The following FBN2 variants were observed in gnomAD, a reference collection of about 807,000 sequenced individuals.
FBN2 encodes the protein fibrillin-2.
Under a neutral mutation model 355.6 loss-of-function variants are expected in FBN2, and 105 were observed. The observed-to-expected ratio is 0.30, with a 90% CI of 0.25 to 0.35. The LOEUF (loss-of-function observed/expected upper bound fraction) is 0.35, where lower values mean the gene tolerates loss of function less well. FBN2 is among the 10% of genes least tolerant of loss of function. FBN2 has a pLI of 1.00. For missense variants in FBN2, 3,280 were observed against 3,758.7 expected, an observed-to-expected ratio of 0.87 and a Z score of 3.33; for synonymous variants, 1,350 against 1,301.2, an observed-to-expected ratio of 1.04 and a Z score of -0.81.
chr5:128,453,181 A>AT, intron 6 of FBN2, among the ~76,000 whole-genome samples: 1 of 152,338 alleles, frequency 6.6e-6, no homozygotes. Flanking sequence ...TGGTAACTTG[A>AT]TATCTGCAGG....
intron 59 of FBN2, 126 bp downstream of exon 59, chr5:128,275,912 A>G: frequency 9.5e-7 from 1 of 1,047,368 alleles, no homozygotes; most frequent in South Asian, 1.3e-5. Context: ...GAGCAATAAC[A>G]TGGCCACTAG....
chr5:128,398,195 A>T (rs1752700603), intron 8 of FBN2, among the ~76,000 whole-genome samples: 1 of 152,064 alleles, frequency 6.6e-6, no homozygotes, highest in Non-Finnish European at 1.5e-5. Flanking sequence ...CAATTAGAGG[A>T]CCTAATATTA....
intron 11 of FBN2, among the ~76,000 whole-genome samples, chr5:128,390,022 C>G (rs1192414045): frequency 6.6e-6 from 1 of 151,838 alleles, no homozygotes; most frequent in Non-Finnish European, 1.5e-5. Flanking sequence ...TTTTTTTTAA[C>G]TCCATGCGGA....
intron 3 of FBN2, among the ~76,000 whole-genome samples, chr5:128,528,679 G>A (rs1756630820): frequency 6.6e-6 from 1 of 152,212 alleles, no homozygotes; most frequent in South Asian, 2.1e-4. Flanking sequence ...AACCCAGGCA[G>A]AGACCAGCCA....
rs1034480947 is a variant in FBN2 at position 128,275,810 on chromosome 5, T to G, written c.7594+228A>C. ...TTTGTTTTATTTTATTTTTTAAAAT[T>G]TATGCAGTTTTCTATAAGAAGCAAA... is the stretch of plus-strand genomic sequence containing the variant. On this transcript the variant is annotated intron_variant, in intron 59 of 64. Transcript: ENST00000262464. Among the ~76,000 whole-genome samples the G allele has an allele frequency of 2.6e-5, 4 of 152,190 alleles. No homozygotes were observed. In the South Asian group the frequency reaches 6.2e-4, roughly 24 times the overall value.
chr5:128,301,448 T>C lies in FBN2; in HGVS notation c.5980A>G (p.Ile1994Val). Residue 1994 changes from isoleucine to valine, a missense_variant, in exon 47 of 65, where the codon ATT becomes GTT. Ile to Val is a conservative substitution (Grantham distance 29). This residue lies in a region of FBN2 where 2,284 missense variants were observed against 2,749.5 expected (regional missense o/e 0.83). Coordinates refer to ENST00000262464, the MANE Select transcript of FBN2 (RefSeq NM_001999.4). The part of the protein sequence containing the change: ...VCRNGRCFNE[I>V]GSFKCLCNEG... Reference sequence around the variant, plus strand: ...TTACATAGACACTTGAAAGAACCAATTTCATTAAAACAACGTCCATTTCTG... The same window carrying C: ...TTACATAGACACTTGAAAGAACCAACTTCATTAAAACAACGTCCATTTCTG... 6.2e-7 allele frequency: 1 copy of C among 1,613,612 alleles called. No homozygotes were observed. Among genetic ancestry groups the C allele is most frequent in the South Asian group, 1.1e-5 (1 of 91,072 alleles).
Position 128,420,778 on chromosome 5 carries a change from C to G in FBN2, c.953-11979G>C, listed in dbSNP as rs528717305. 3.9e-5 allele frequency among the ~76,000 whole-genome samples: 6 copies of G among 152,286 alleles called. No individual in the cohort carries two copies. The South Asian group carries it at 1.2e-3, about 32-fold the overall frequency. Reference sequence around the variant, plus strand: ...TAAACAGATACTGATTGGGCATATACTATTCATTCATGAACTCATTAAGTA... The same window carrying G: ...TAAACAGATACTGATTGGGCATATAGTATTCATTCATGAACTCATTAAGTA... On this transcript the variant is annotated intron_variant, in intron 7 of 64. Coordinates refer to ENST00000262464, the MANE Select transcript of FBN2 (RefSeq NM_001999.4).
chr5:128,468,213 T>C (rs1252075718), intron 5 of FBN2, among the ~76,000 whole-genome samples: 2 of 152,174 alleles, frequency 1.3e-5, no homozygotes, highest in Non-Finnish European at 2.9e-5. Context: ...TTTTTTGTCT[T>C]GCTTCTTTCA....
rs542107401 is a variant in FBN2 at position 128,316,401 on chromosome 5, G to A, written c.4717+1748C>T. 1.4e-4 allele frequency among the ~76,000 whole-genome samples: 22 copies of A among 152,290 alleles called. No homozygotes were observed. The East Asian group carries it at 4.2e-3, about 29-fold the overall frequency. ...ATATTTTATAATGTTTCAGACCTAC[G>A]AAAGGTTCCAATAGATTCCTATGGC... On this transcript the variant is annotated intron_variant, in intron 36 of 64. Coordinates refer to ENST00000262464, the MANE Select transcript of FBN2 (RefSeq NM_001999.4).
intron 45 of FBN2, 121 bp from the exon 46 acceptor site, chr5:128,303,210 CA>C: frequency 1.4e-6 from 1 of 691,080 alleles, no homozygotes; most frequent in Non-Finnish European, 2.6e-6. Context: ...ACTAGAAACT[CA>C]TATCTACTTG....
rs1176793756 is a variant in FBN2 at position 128,269,429 on chromosome 5, G to A, written c.7960+2570C>T. ...AGCTGAGATCGTGCCACTGCACTCC[G>A]GCCTGGGCGACAGAGTGAGACTCCA... On this transcript the variant is annotated intron_variant, in intron 62 of 64. Coordinates refer to ENST00000262464, the MANE Select transcript of FBN2 (RefSeq NM_001999.4). Among the ~76,000 whole-genome samples, 17 of 150,822 alleles carry A rather than the reference G, an allele frequency of 1.1e-4. No individual in the cohort carries two copies. The South Asian group carries it at 2.5e-3, about 22-fold the overall frequency.
At chr5:128,490,180 A>T (rs1232275647) in intron 5 of FBN2, among the ~76,000 whole-genome samples, 1 of 152,208 alleles carries the variant, frequency 6.6e-6, no homozygotes, top group African/African-American at 2.4e-5. Flanking sequence ...CATAAATCAT[A>T]TAAAATGTAG....
intron 42 of FBN2, among the ~76,000 whole-genome samples, 190 bp downstream of exon 42, chr5:128,306,945 G>A (rs996616647): frequency 6.6e-6 from 1 of 152,134 alleles, no homozygotes; most frequent in Admixed American, 6.5e-5. Context: ...ACCAGACTAC[G>A]CTGATGGAGT....
intron 6 of FBN2, among the ~76,000 whole-genome samples, chr5:128,463,536 T>C (rs1367284684): frequency 6.6e-6 from 1 of 152,134 alleles, no homozygotes; most frequent in Non-Finnish European, 1.5e-5. Flanking sequence ...ATTTTAGAAA[T>C]AGACCATTTT....
At chr5:128,322,131 TG>T in intron 34 of FBN2, among the ~76,000 whole-genome samples, 1 of 152,196 alleles carries the variant, frequency 6.6e-6, no homozygotes, top group Non-Finnish European at 1.5e-5. Flanking sequence ...CACTTTTTTA[TG>T]GGGTTGTTTT....
At chr5:128,400,381 A>T (rs1752765706) in intron 8 of FBN2, among the ~76,000 whole-genome samples, 1 of 152,172 alleles carries the variant, frequency 6.6e-6, no homozygotes. Context: ...TATATAAAAT[A>T]AAAAATTACT....
At position 128,301,837 on chromosome 5, in the gene FBN2, G is replaced by A. The variant is rs12523609; in HGVS notation, c.5918-327C>T. Among the ~76,000 whole-genome samples, 12,533 of 152,060 alleles carry A rather than the reference G, an allele frequency of 0.082. 614 individuals carry two copies. The highest frequency in any genetic ancestry group is 0.1 in the South Asian group (499 of 4,810). ...CTGAAAAATATTTATTTTCCCACAG[G>A]CAGGAGGATATGTGGGATTTAATCT... On this transcript the variant is annotated intron_variant, in intron 46 of 64. Coordinates refer to ENST00000262464, the MANE Select transcript of FBN2 (RefSeq NM_001999.4).
intron 62 of FBN2, among the ~76,000 whole-genome samples, chr5:128,264,278 T>A (rs1030511106): frequency 3.9e-5 from 6 of 152,104 alleles, no homozygotes; most frequent in Non-Finnish European, 7.3e-5. Flanking sequence ...CATAAAAAAA[T>A]TTATAAACCC....
At chr5:128,426,810 T>C (rs1022670460) in intron 7 of FBN2, among the ~76,000 whole-genome samples, 1 of 152,152 alleles carries the variant, frequency 6.6e-6, no homozygotes, top group Non-Finnish European at 1.5e-5. Flanking sequence ...AGAGGACAGG[T>C]ACTAGGAACG....
Sources: allele counts gnomAD v4.1 joint callset (sites outside exome capture counted in the v4.1 genomes callset), GRCh38; gene constraint gnomAD v4.1.1; regional missense constraint gnomAD v4.1.1; transcripts MANE v1.5; gene names NCBI Gene and HGNC (gene_info 2026-07-23, HGNC 2026-07-21).